QSER1: variants seen among roughly 807,000 people sequenced by gnomAD.
QSER1 encodes the protein glutamine and serine rich 1, also known as glutamine and serine-rich protein 1.
Under a neutral mutation model 158.5 loss-of-function variants are expected in QSER1, and 49 were observed. The ratio of observed to expected loss-of-function variants is 0.31; its 90% CI spans 0.25 to 0.39. QSER1 has a LOEUF of 0.39. Among genes scored for constraint, QSER1 ranks in the 10% least tolerant of loss-of-function variants. The probability of loss-of-function intolerance (pLI) is 1.00; values close to 1 mark genes in which losing one functional copy is unlikely to be tolerated. For synonymous variants in QSER1, 650 were observed against 715.5 expected (o/e 0.91, Z 1.46); for missense variants, 1,754 against 2,010.3 (o/e 0.87, Z 2.44).
chr11:32,925,765 T>C (rs1227552674), intron 1 of QSER1, among the ~76,000 whole-genome samples: 4 of 152,014 alleles, frequency 2.6e-5, no homozygotes, highest in African/African-American at 9.6e-5. Context: ...TGACCTCAAG[T>C]GATCCGCCTG....
At chr11:32,922,022 A>G (rs569599902) in intron 1 of QSER1, among the ~76,000 whole-genome samples, 2 of 152,198 alleles carry the variant, frequency 1.3e-5, no homozygotes, top group Non-Finnish European at 2.9e-5. Context: ...TTCAATATAT[A>G]GTGCTGGAAC....
chr11:32,971,912 A>T (rs1396676841), intron 10 of QSER1, among the ~76,000 whole-genome samples: 1 of 151,824 alleles, frequency 6.6e-6, no homozygotes, highest in African/African-American at 2.4e-5. Flanking sequence ...AAATACAAAA[A>T]ATTAGCCGGG....
Position 32,943,142 on chromosome 11 carries a change from A to G in QSER1, c.4177+7707A>G, listed in dbSNP as rs1001049681. Among the ~76,000 whole-genome samples the G allele has an allele frequency of 2.3e-3, 346 of 152,156 alleles. 2 individuals carry two copies. Among genetic ancestry groups the G allele is most frequent in the African/African-American group, 8.1e-3 (336 of 41,498 alleles). On this transcript the variant is annotated intron_variant, in intron 4 of 12. Coordinates refer to ENST00000650167, the MANE Select transcript of QSER1 (RefSeq NM_001076786.3). ...CTTAAGGAGATTTTGGGCTGAGACAATGGGGTTTTCTAGATATACAATCAT... is the reference window on the plus strand; with the variant it reads ...CTTAAGGAGATTTTGGGCTGAGACAGTGGGGTTTTCTAGATATACAATCAT...
At chr11:32,906,609 T>C (rs1368035932) in intron 1 of QSER1, among the ~76,000 whole-genome samples, 1 of 151,968 alleles carries the variant, frequency 6.6e-6, no homozygotes, top group East Asian at 1.9e-4. Flanking sequence ...AGATGGGGTC[T>C]TGCTATTTTC....
At chr11:32,937,966 A>C (rs907353698) in intron 4 of QSER1, among the ~76,000 whole-genome samples, 9 of 152,308 alleles carry the variant, frequency 5.9e-5, no homozygotes, top group Middle Eastern at 3.4e-3. Flanking sequence ...TAGTGCTCCT[A>C]TCCTTTGAAT....
At chr11:32,969,996 T>A (rs1440770986) in intron 10 of QSER1, among the ~76,000 whole-genome samples, 3 of 152,168 alleles carry the variant, frequency 2.0e-5, no homozygotes, top group Admixed American at 2.0e-4. Flanking sequence ...AGCTTTTTAT[T>A]TCAGTTGGAG....
Position 32,956,214 on chromosome 11 carries a change from T to G in QSER1, c.4751+93T>G. 3 of 1,195,880 alleles carry G rather than the reference T, an allele frequency of 2.5e-6. No individual in the cohort carries two copies. The East Asian group carries it at 7.3e-5, about 29-fold the overall frequency. The allele number at this position is 1,195,880 out of a possible 1,614,324, so 74.1% of individuals were successfully genotyped here. A position where few individuals can be genotyped will look rare whatever the true frequency, so the allele number is the denominator to read the frequency against. ...AAAGGAGCATATCAATTAAATAGATTTTTTTTATTATACACAAGTCAAAAA... is the reference window on the plus strand; with the variant it reads ...AAAGGAGCATATCAATTAAATAGATGTTTTTTATTATACACAAGTCAAAAA... On this transcript the variant is annotated intron_variant, in intron 7 of 12. Transcript: ENST00000650167.
chr11:32,935,491 T>G lies in QSER1; in HGVS notation c.4177+56T>G, dbSNP rs539018567. On this transcript the variant is annotated intron_variant, in intron 4 of 12. Transcript: ENST00000650167. ...TTACTTTCTTCTATTTTTCCAGCTA[T>G]AGCCCACATTTTAAGCTTTTTTCAC... 354 of 1,306,696 alleles carry G rather than the reference T, an allele frequency of 2.7e-4. 1 individual carries two copies. The highest frequency in any genetic ancestry group is 3.5e-4 in the Non-Finnish European group (342 of 970,494). 80.9% of individuals were successfully genotyped at this position (1,306,696 alleles called of 1,614,324 possible). A position where few individuals can be genotyped will look rare whatever the true frequency, so the allele number is the denominator to read the frequency against.
intron 1 of QSER1, among the ~76,000 whole-genome samples, chr11:32,924,408 AAGTT>A (rs908044463): frequency 5.9e-5 from 9 of 152,112 alleles, no homozygotes; most frequent in Middle Eastern, 3.4e-3. Context: ...TCTCTACAAA[AAGTT>A]AGCTGGTGGT....
intron 4 of QSER1, among the ~76,000 whole-genome samples, chr11:32,940,243 C>A (rs2133560157): frequency 6.6e-6 from 1 of 152,292 alleles, no homozygotes; most frequent in South Asian, 2.1e-4. Flanking sequence ...TTTCCCCTTA[C>A]TGTTAGCCTT....
At position 32,957,695 on chromosome 11, in the gene QSER1, G is replaced by A. The variant is rs1309351736; in HGVS notation, c.4752-174G>A. 1.2e-5 allele frequency: 7 copies of A among 590,512 alleles called. No homozygotes were observed. The Admixed American group carries it at 2.3e-4, about 19-fold the overall frequency. 36.6% of individuals were successfully genotyped at this position (590,512 alleles called of 1,614,324 possible). A position where few individuals can be genotyped will look rare whatever the true frequency, so the allele number is the denominator to read the frequency against. On this transcript the variant is annotated intron_variant, in intron 7 of 12. Coordinates refer to ENST00000650167, the MANE Select transcript of QSER1 (RefSeq NM_001076786.3). Reference sequence around the variant, plus strand: ...TTCTGGTGAAAAGAATGTATTTTAAGAAAATTTTATGGGAATCACCATTGA... The same window carrying A: ...TTCTGGTGAAAAGAATGTATTTTAAAAAAATTTTATGGGAATCACCATTGA...
At position 32,954,105 on chromosome 11, in the gene QSER1, G is replaced by C. The variant is rs772339253; in HGVS notation, c.4426G>C (p.Glu1476Gln). The C allele has an allele frequency of 6.2e-7, 1 of 1,614,130 alleles. No individual in the cohort carries two copies. Among genetic ancestry groups the C allele is most frequent in the East Asian group, 2.2e-5 (1 of 44,888 alleles). Residue 1476 changes from glutamate (E) to glutamine (Q), a missense_variant, in exon 5 of 13, where the codon GAA (glutamate) becomes CAA (glutamine). Glu to Gln is a conservative substitution (Grantham distance 29). Coordinates refer to ENST00000650167, the MANE Select transcript of QSER1 (RefSeq NM_001076786.3). ...AGGTTTTACAGATGAGGAGGACACA[G>C]AAAGCGGAGGAGAAGGCCAATACAG... ...IEGFTDEEDTESGGEGQYRER... is the reference protein window; with the variant it reads ...IEGFTDEEDTQSGGEGQYRER...
At chr11:32,938,831 GA>G (rs981574459) in intron 4 of QSER1, among the ~76,000 whole-genome samples, 19 of 147,482 alleles carry the variant, frequency 1.3e-4, no homozygotes, top group Non-Finnish European at 2.1e-4. Flanking sequence ...GTTGGATTAA[GA>G]AAAAAAAAAC....
chr11:32,931,890 A>G lies in QSER1; in HGVS notation c.632A>G (p.Asp211Gly). Residue 211 changes from aspartate (D) to glycine (G), a missense_variant, in exon 4 of 13, where the codon GAT becomes GGT. Asp to Gly is a moderately conservative substitution (Grantham distance 94). This residue lies in a region of QSER1 where 1,707 missense variants were observed against 1,919.6 expected (regional missense o/e 0.89). Coordinates refer to ENST00000650167, the MANE Select transcript of QSER1 (RefSeq NM_001076786.3). ...FATTSPLVLQ[D>G]STFNTTSNGI... is the part of the protein sequence containing the mutation. ...ACCACTTCACCTTTGGTGCTTCAGG[A>G]TTCAACTTTTAACACTACATCAAAT... 1.2e-6 allele frequency: 2 copies of G among 1,614,146 alleles called. No homozygotes were observed. The highest frequency in any genetic ancestry group is 1.7e-6 in the Non-Finnish European group (2 of 1,180,014).
At chr11:32,975,662 CTTTAA>C in intron 12 of QSER1, 2 of 1,170,696 alleles carry the variant, frequency 1.7e-6, no homozygotes, top group Non-Finnish European at 2.1e-6. Context: ...GATGATCTTG[CTTTAA>C]TTCACTTCAG....
chr11:32,968,525 A>G (rs1013720524), intron 9 of QSER1, among the ~76,000 whole-genome samples: 4 of 152,016 alleles, frequency 2.6e-5, no homozygotes, highest in Non-Finnish European at 4.4e-5. Flanking sequence ...AACTATTTTG[A>G]TTCATATTTT....
At chr11:32,906,209 G>T (rs1178389826) in intron 1 of QSER1, among the ~76,000 whole-genome samples, 1 of 150,894 alleles carries the variant, frequency 6.6e-6, no homozygotes, top group African/African-American at 2.4e-5. Flanking sequence ...GATCACTTGA[G>T]GTCAGGTGTT....
chr11:32,946,210 A>T (rs1852328785), intron 4 of QSER1, among the ~76,000 whole-genome samples: 1 of 151,924 alleles, frequency 6.6e-6, no homozygotes, highest in African/African-American at 2.4e-5. Flanking sequence ...GAGTAATTTG[A>T]TCGTCTGAAG....
intron 1 of QSER1, among the ~76,000 whole-genome samples, chr11:32,895,415 C>T (rs909207917): frequency 6.6e-6 from 1 of 152,132 alleles, no homozygotes; most frequent in African/African-American, 2.4e-5. Context: ...AATTATACCT[C>T]ATTTTATTCC....
Sources: gnomAD v4.1 joint callset for allele counts (sites outside exome capture counted in the v4.1 genomes callset) on GRCh38, gnomAD v4.1.1 for gene constraint, gnomAD v4.1.1 regional missense constraint, MANE v1.5 for transcripts, NCBI Gene and HGNC (gene_info 2026-07-23, HGNC 2026-07-21) for gene names.